The following LRMDA variants were observed in gnomAD, a reference collection of about 807,000 sequenced individuals.
LRMDA encodes leucine rich melanocyte differentiation associated.
LRMDA carries 18 observed loss-of-function variants against 29.8 expected under a neutral mutation model. The ratio of observed to expected loss-of-function variants is 0.60; its 90% CI spans 0.42 to 0.90. The LOEUF (loss-of-function observed/expected upper bound fraction) is 0.90. LRMDA is among the 40% of genes least tolerant of loss of function. The pLI, the probability that LRMDA is intolerant of heterozygous loss-of-function variation, is 0.00. For missense variants in LRMDA, 273 were observed against 273.9 expected (o/e 1.00, Z 0.02); for synonymous variants, 125 against 109.4 (o/e 1.14, Z -0.89).
At chr10:75,926,132 C>A (rs1044554100) in intron 2 of LRMDA, among the ~76,000 whole-genome samples, 1 of 152,124 alleles carries the variant, frequency 6.6e-6, no homozygotes, top group Non-Finnish European at 1.5e-5. Flanking sequence ...CCCTGAAATG[C>A]CAGGTGGAGT....
intron 2 of LRMDA, among the ~76,000 whole-genome samples, chr10:76,021,704 C>A (rs954857885): frequency 1.3e-5 from 2 of 152,164 alleles, no homozygotes; most frequent in African/African-American, 2.4e-5. Context: ...ACTCTTAAGC[C>A]AGGCCTCTCC....
intron 6 of LRMDA, among the ~76,000 whole-genome samples, chr10:76,547,522 G>A (rs184210326): frequency 6.6e-6 from 1 of 150,600 alleles, no homozygotes; most frequent in Admixed American, 6.6e-5. Context: ...TTTATTTTAA[G>A]CAAGCGGCTG....
chr10:75,849,661 A>G (rs1844698420), intron 2 of LRMDA, among the ~76,000 whole-genome samples: 1 of 152,192 alleles, frequency 6.6e-6, no homozygotes, highest in Admixed American at 6.5e-5. Context: ...TCTGGGCTTA[A>G]TAACTAGGTG....
At chr10:75,783,089 A>G (rs997751722) in intron 2 of LRMDA, 6 of 1,578,768 alleles carry the variant, frequency 3.8e-6, no homozygotes, top group Non-Finnish European at 5.2e-6. Flanking sequence ...TTAAATAGCA[A>G]TGATGAAGGC....
intron 2 of LRMDA, among the ~76,000 whole-genome samples, chr10:75,948,167 G>T (rs1311514902): frequency 4.6e-5 from 7 of 152,158 alleles, no homozygotes; most frequent in Admixed American, 4.6e-4. Flanking sequence ...GAGGGTTAAA[G>T]GTGGCTTTTC....
chr10:76,322,768 G>T lies in LRMDA; in HGVS notation c.517-1633G>T, dbSNP rs753265791. On this transcript the variant is annotated intron_variant, in intron 5 of 6. Transcript: ENST00000611255. The stretch of plus-strand genomic sequence containing the variant: ...TTTTTTTTAGCAATGAGATGGAGCA[G>T]AAATATTGACAGCTATGGCTTCCTA... 2.0e-3 allele frequency among the ~76,000 whole-genome samples: 310 copies of T among 152,222 alleles called. 5 individuals are homozygous for T. In the Middle Eastern group the frequency reaches 0.024, roughly 12 times the overall value.
At chr10:76,147,539 G>C (rs1001611758) in intron 5 of LRMDA, among the ~76,000 whole-genome samples, 32 of 152,058 alleles carry the variant, frequency 2.1e-4, no homozygotes, top group Middle Eastern at 3.2e-3. Context: ...GCTCCATCAG[G>C]TCCTTTAAGG....
chr10:75,622,316 T>TAC (rs386371854), intron 2 of LRMDA, among the ~76,000 whole-genome samples: 10 of 77,730 alleles, frequency 1.3e-4, no homozygotes, highest in African/African-American at 4.0e-4. Context: ...AGTGAAAAAA[T>TAC]ATGATACCCC....
At chr10:75,822,488 A>G (rs1214922126) in intron 2 of LRMDA, among the ~76,000 whole-genome samples, 1 of 152,186 alleles carries the variant, frequency 6.6e-6, no homozygotes, top group Non-Finnish European at 1.5e-5. Flanking sequence ...GAACCAAAAA[A>G]AGCCTGAATA....
chr10:75,916,491 C>T (rs1300805485), intron 2 of LRMDA, among the ~76,000 whole-genome samples: 1 of 152,178 alleles, frequency 6.6e-6, no homozygotes, highest in Non-Finnish European at 1.5e-5. Flanking sequence ...GGTGCTGCCT[C>T]TTGCCTTGCA....
intron 2 of LRMDA, among the ~76,000 whole-genome samples, chr10:75,967,533 A>T (rs1846884041): frequency 6.6e-6 from 1 of 152,252 alleles, no homozygotes; most frequent in South Asian, 2.1e-4. Flanking sequence ...ATCATGTATC[A>T]ACATAATAAA....
At chr10:75,590,724 G>GTATTT (rs1564517198) in intron 2 of LRMDA, among the ~76,000 whole-genome samples, 1 of 101,952 alleles carries the variant, frequency 9.8e-6, no homozygotes, top group Non-Finnish European at 2.0e-5. Context: ...CAATAAAATA[G>GTATTT]TCTTTTTTTT....
At chr10:76,472,140 G>A (rs1842624455) in intron 6 of LRMDA, among the ~76,000 whole-genome samples, 3 of 151,656 alleles carry the variant, frequency 2.0e-5, no homozygotes, top group Non-Finnish European at 4.4e-5. Flanking sequence ...TCAAGAACAT[G>A]GAATAGTCTC....
chr10:76,445,653 C>G (rs972230969), intron 6 of LRMDA, among the ~76,000 whole-genome samples: 7 of 152,264 alleles, frequency 4.6e-5, no homozygotes, highest in African/African-American at 1.7e-4. Context: ...GGTGAGACTA[C>G]ACAGAGGGAG....
At chr10:76,318,591 T>C (rs1840729443) in intron 5 of LRMDA, 1 of 152,906 alleles carries the variant, frequency 6.5e-6, no homozygotes, top group Non-Finnish European at 1.5e-5. Flanking sequence ...GGTCTCTTGG[T>C]TCCAGACTCA....
intron 6 of LRMDA, among the ~76,000 whole-genome samples, chr10:76,458,802 G>A (rs558698406): frequency 6.6e-6 from 1 of 152,192 alleles, no homozygotes; most frequent in Non-Finnish European, 1.5e-5. Context: ...TTTTTAAGGA[G>A]GTCCCTAGTA....
chr10:75,829,011 A>G (rs1844293414), intron 2 of LRMDA, among the ~76,000 whole-genome samples: 1 of 152,126 alleles, frequency 6.6e-6, no homozygotes, highest in African/African-American at 2.4e-5. Context: ...AAGGTGAAGG[A>G]CTAGTTCAGC....
intron 5 of LRMDA, 133 bp from the exon 6 acceptor site, chr10:76,324,268 G>GCTTC: frequency 1.2e-6 from 1 of 816,292 alleles, no homozygotes. Context: ...AACAGCTCTT[G>GCTTC]CTTCCTAAGA....
Position 76,499,096 on chromosome 10 carries a change from A to C in LRMDA, c.602-58113A>C, listed in dbSNP as rs1422374263. Among the ~76,000 whole-genome samples the C allele has an allele frequency of 1.8e-4, 14 of 75,680 alleles. 6 individuals are homozygous for C. Among genetic ancestry groups the C allele is most frequent in the Non-Finnish European group, 5.3e-4 (12 of 22,790 alleles). 49.6% of individuals were successfully genotyped at this position (75,680 alleles called of 152,430 possible). A position where few individuals can be genotyped will look rare whatever the true frequency, so the allele number is the denominator to read the frequency against. ...AAAAGAAAAATAACTTTACTGAGAT[A>C]TAATACACATTCAATAAAATTCATT... On this transcript the variant is annotated intron_variant, in intron 6 of 6. Transcript: ENST00000611255.
Sources: gnomAD v4.1 joint callset for allele counts (sites outside exome capture counted in the v4.1 genomes callset) on GRCh38, gnomAD v4.1.1 for gene constraint, MANE v1.5 for transcripts, NCBI Gene and HGNC (gene_info 2026-07-23, HGNC 2026-07-21) for gene names.